ESRRG: variants seen among roughly 807,000 people sequenced by gnomAD.
ESRRG encodes estrogen-related receptor gamma.
In ESRRG, 13 loss-of-function variants were observed where a neutral mutation model predicts 44.0. That is an observed-to-expected ratio of 0.30 (90% CI 0.19 to 0.47). The LOEUF is 0.47. Ranked by LOEUF, ESRRG falls within the 20% of genes least tolerant of loss-of-function variation. The probability of loss-of-function intolerance (pLI) is 1.00; values close to 1 mark genes in which losing one functional copy is unlikely to be tolerated. For missense variants in ESRRG, 395 were observed against 580.6 expected, an observed-to-expected ratio of 0.68 and a Z score of 3.29; for synonymous variants, 215 against 214.6, an observed-to-expected ratio of 1.00 and a Z score of -0.02.
intron 3 of ESRRG, among the ~76,000 whole-genome samples, chr1:216,617,942 G>C (rs992751799): frequency 2.0e-5 from 3 of 152,114 alleles, no homozygotes; most frequent in Non-Finnish European, 2.9e-5. Context: ...CTATGGTACA[G>C]CAATATGGAA....
intron 2 of ESRRG, among the ~76,000 whole-genome samples, chr1:216,921,006 C>G (rs943821071): frequency 1.3e-5 from 2 of 152,088 alleles, no homozygotes; most frequent in African/African-American, 4.8e-5. Context: ...GCAGTTTTAC[C>G]CAACTTAAAG....
intron 5 of ESRRG, among the ~76,000 whole-genome samples, chr1:216,556,236 AT>A (rs1472688403): frequency 7.2e-5 from 11 of 152,016 alleles, no homozygotes; most frequent in African/African-American, 2.7e-4. Context: ...GAAAAAAAAA[AT>A]ATATGACCTG....
intron 1 of ESRRG, among the ~76,000 whole-genome samples, chr1:216,711,361 C>T (rs2083568859): frequency 6.6e-6 from 1 of 152,194 alleles, no homozygotes; most frequent in Non-Finnish European, 1.5e-5. Context: ...CAGCGGTGCA[C>T]AGATTTCATG....
chr1:216,512,069 T>C (rs1211372281), intron 6 of ESRRG, among the ~76,000 whole-genome samples: 1 of 152,006 alleles, frequency 6.6e-6, no homozygotes, highest in Non-Finnish European at 1.5e-5. Context: ...ACCTACTGAA[T>C]GAAAAAAGAG....
chr1:216,617,092 G>T (rs1302265114), intron 3 of ESRRG, among the ~76,000 whole-genome samples: 1 of 152,090 alleles, frequency 6.6e-6, no homozygotes, highest in Non-Finnish European at 1.5e-5. Flanking sequence ...CATTTTCAAT[G>T]TTTGTTATAT....
At chr1:217,073,393 G>A (rs2090863692) in intron 1 of ESRRG, among the ~76,000 whole-genome samples, 1 of 152,050 alleles carries the variant, frequency 6.6e-6, no homozygotes, top group South Asian at 2.1e-4. Context: ...GCAGCTTGGA[G>A]TTTCAAAGCT....
At chr1:216,911,714 T>C (rs1407770871) in intron 2 of ESRRG, among the ~76,000 whole-genome samples, 3 of 152,228 alleles carry the variant, frequency 2.0e-5, no homozygotes, top group Non-Finnish European at 1.5e-5. Context: ...GGAAACTCTC[T>C]GTACTTTCCT....
At chr1:217,014,545 T>C (rs890998997) in intron 1 of ESRRG, among the ~76,000 whole-genome samples, 1 of 152,164 alleles carries the variant, frequency 6.6e-6, no homozygotes, top group African/African-American at 2.4e-5. Flanking sequence ...CCTATGATAC[T>C]GGTCCTCTAT....
chr1:216,989,667 G>A (rs1008368112), intron 1 of ESRRG, among the ~76,000 whole-genome samples: 8 of 152,068 alleles, frequency 5.3e-5, no homozygotes, highest in East Asian at 1.9e-4. Context: ...ATTCACCTAC[G>A]TCAATCAGCT....
At chr1:217,104,161 T>G (rs1166353) in intron 1 of ESRRG, among the ~76,000 whole-genome samples, 146,045 of 152,192 alleles carry the variant, frequency 0.96, 70,375 homozygotes, top group Middle Eastern at 1. Flanking sequence ...TTCCACCTTT[T>G]ACTAAAGAAG....
intron 1 of ESRRG, among the ~76,000 whole-genome samples, chr1:216,695,487 T>C (rs2079962167): frequency 6.6e-6 from 1 of 152,176 alleles, no homozygotes; most frequent in Non-Finnish European, 1.5e-5. Context: ...GAGTCTATAA[T>C]TATCTCAAAA....
At chr1:216,955,599 G>GT (rs931919352) in intron 1 of ESRRG, among the ~76,000 whole-genome samples, 3 of 151,882 alleles carry the variant, frequency 2.0e-5, no homozygotes, top group Non-Finnish European at 4.4e-5. Flanking sequence ...CTATTTTTAG[G>GT]TTTTTTTAAA....
chr1:216,659,846 C>T (rs1477415334), intron 2 of ESRRG, among the ~76,000 whole-genome samples: 2 of 152,124 alleles, frequency 1.3e-5, no homozygotes, highest in Non-Finnish European at 2.9e-5. Flanking sequence ...CCTGTCCCAA[C>T]TGTATATTCT....
At position 217,084,577 on chromosome 1, in the gene ESRRG, C is replaced by G. The variant is rs2091965578; in HGVS notation, c.-106+4930G>C. 2.6e-5 allele frequency among the ~76,000 whole-genome samples: 4 copies of G among 152,162 alleles called. No homozygotes were observed. The South Asian group carries it at 8.3e-4, about 31-fold the overall frequency. ...GGAATGCAAAAGTTTTGCTATACTT[C>G]ACATAATGTTGGCAACCTGAATTTA... On this transcript the variant is annotated intron_variant, in intron 1 of 7. Transcript: ENST00000359162.
chr1:216,777,929 A>G (rs1323449472), intron 2 of ESRRG, among the ~76,000 whole-genome samples: 2 of 152,104 alleles, frequency 1.3e-5, no homozygotes, highest in Admixed American at 6.6e-5. Context: ...CTTGCTATCA[A>G]CAGTCAAACC....
chr1:216,779,497 T>TAAATATAAATATAAATAAATATTTATAA (rs371045835), intron 2 of ESRRG, among the ~76,000 whole-genome samples: 1 of 4,910 alleles, frequency 2.0e-4, no homozygotes, highest in African/African-American at 1.1e-3. Flanking sequence ...TATATATTTA[T>TAAATATAAATATAAATAAATATTTATAA]ATATAAATAT....
In ESRRG at chr1:216,684,202, T is replaced by C. The variant is rs547201071; in HGVS notation, c.57-6711A>G. Among the ~76,000 whole-genome samples, 17 of 152,324 alleles carry C rather than the reference T, an allele frequency of 1.1e-4. No individual in the cohort carries two copies. The South Asian group carries it at 3.1e-3, about 28-fold the overall frequency. The stretch of plus-strand genomic sequence containing the variant: ...TTTCCTTAAGTCATCCAGACTATTT[T>C]AGATGTAGGAAATTGCAGTTGCTTC... On this transcript the variant is annotated intron_variant, in intron 1 of 6. Transcript: ENST00000408911.
At chr1:216,974,512 T>C (rs2072447965) in intron 1 of ESRRG, among the ~76,000 whole-genome samples, 1 of 152,160 alleles carries the variant, frequency 6.6e-6, no homozygotes, top group East Asian at 1.9e-4. Context: ...ATTCATAATA[T>C]TTTTATTCCT....
At chr1:216,770,260 C>T (rs1048695448) in intron 2 of ESRRG, among the ~76,000 whole-genome samples, 2 of 151,982 alleles carry the variant, frequency 1.3e-5, no homozygotes, top group African/African-American at 4.8e-5. Context: ...AGGACTGATT[C>T]AAAAGTACCC....
Sources: gnomAD v4.1 joint callset for allele counts (sites outside exome capture counted in the v4.1 genomes callset) on GRCh38, gnomAD v4.1.1 for gene constraint, MANE v1.5 for transcripts, NCBI Gene and HGNC (gene_info 2026-07-23, HGNC 2026-07-21) for gene names.